The following PHACTR1 variants were observed in gnomAD, a reference collection of about 807,000 sequenced individuals.
PHACTR1 encodes phosphatase and actin regulator 1.
PHACTR1 carries 16 observed loss-of-function variants against 69.2 expected under a neutral mutation model. The observed-to-expected ratio is 0.23, with a 90% confidence interval of 0.16 to 0.35. PHACTR1 has a LOEUF of 0.35. Among genes scored for constraint, PHACTR1 ranks in the 10% least tolerant of loss-of-function variants. The pLI, the probability that PHACTR1 is intolerant of heterozygous loss-of-function variation, is 1.00. For synonymous variants in PHACTR1, 312 were observed against 284.5 expected (o/e 1.10, Z -0.97); for missense variants, 510 against 734.7 (o/e 0.69, Z 3.54).
At chr6:12,792,492 A>AAAAAAG (rs1368191865) in intron 4 of PHACTR1, among the ~76,000 whole-genome samples, 1 of 140,272 alleles carries the variant, frequency 7.1e-6, no homozygotes, top group East Asian at 2.0e-4. Flanking sequence ...AAAAAAAAAA[A>AAAAAAG]AGAAGATTTC....
intron 12 of PHACTR1, chr6:13,281,199 G>C: frequency 8.6e-7 from 1 of 1,165,322 alleles, no homozygotes; most frequent in Non-Finnish European, 1.1e-6. Context: ...TCAGTTTCCA[G>C]GAAGAGAAAT....
At chr6:12,878,214 T>C (rs1327156754) in intron 4 of PHACTR1, among the ~76,000 whole-genome samples, 1 of 152,238 alleles carries the variant, frequency 6.6e-6, no homozygotes, top group Non-Finnish European at 1.5e-5. Flanking sequence ...TCTTAGCTGA[T>C]GTTTTGCCAT....
chr6:13,064,435 T>C (rs987777375), intron 5 of PHACTR1, among the ~76,000 whole-genome samples: 1 of 150,958 alleles, frequency 6.6e-6, no homozygotes, highest in Admixed American at 6.6e-5. Context: ...GTAAACAAGC[T>C]TTATCCCACG....
intron 4 of PHACTR1, among the ~76,000 whole-genome samples, chr6:12,928,860 G>A (rs1464857428): frequency 6.6e-6 from 1 of 152,132 alleles, no homozygotes; most frequent in Non-Finnish European, 1.5e-5. Flanking sequence ...ACTAAAGAAA[G>A]GTAACACTGA....
intron 10 of PHACTR1, among the ~76,000 whole-genome samples, chr6:13,247,110 C>T (rs1052925829): frequency 6.6e-6 from 1 of 152,140 alleles, no homozygotes; most frequent in African/African-American, 2.4e-5. Context: ...ATTTGATCTT[C>T]TGTGCCCTTC....
chr6:13,069,235 T>C (rs974516282), intron 5 of PHACTR1, among the ~76,000 whole-genome samples: 2 of 152,226 alleles, frequency 1.3e-5, no homozygotes, highest in Admixed American at 6.5e-5. Context: ...CAGAATTGAA[T>C]TTCTTTGTTC....
At chr6:12,848,494 A>G (rs1779515486) in intron 4 of PHACTR1, among the ~76,000 whole-genome samples, 1 of 152,218 alleles carries the variant, frequency 6.6e-6, no homozygotes, top group Admixed American at 6.5e-5. Context: ...TAACTCGTAG[A>G]GACTTTTATT....
chr6:13,275,227 C>G lies in PHACTR1; in HGVS notation c.1447+2312C>G, dbSNP rs1021512395. 2 of 152,556 alleles carry G rather than the reference C, an allele frequency of 1.3e-5. No individual in the cohort carries two copies. Among genetic ancestry groups the G allele is most frequent in the African/African-American group, 4.8e-5 (2 of 41,438 alleles). 9.5% of individuals were successfully genotyped at this position (152,556 alleles called of 1,614,324 possible). The stretch of plus-strand genomic sequence containing the variant: ...CCCTGCCTGGTCCTGGGAGCAGCCC[C>G]TGTTCTGTCCAGCAGCCAGTGAGGC... On this transcript the variant is annotated intron_variant, in intron 11 of 14. Coordinates refer to ENST00000332995, the MANE Select transcript of PHACTR1 (RefSeq NM_030948.6). The surrounding 1 kb of genome is among the most constrained non-coding windows in gnomAD (Gnocchi z 4.0).
intron 4 of PHACTR1, among the ~76,000 whole-genome samples, chr6:12,981,949 T>G (rs775940360): frequency 6.6e-6 from 1 of 152,208 alleles, no homozygotes; most frequent in Non-Finnish European, 1.5e-5. Context: ...GGGCTTGCTT[T>G]CTTTCTCTAA....
chr6:13,217,669 C>T (rs921123950), intron 8 of PHACTR1, among the ~76,000 whole-genome samples: 5 of 152,136 alleles, frequency 3.3e-5, no homozygotes, highest in East Asian at 3.8e-4. Flanking sequence ...TCAGTACCCT[C>T]GTCTATATAT....
intron 3 of PHACTR1, among the ~76,000 whole-genome samples, chr6:12,721,502 T>A (rs1000410514): frequency 6.6e-6 from 1 of 152,192 alleles, no homozygotes; most frequent in African/African-American, 2.4e-5. Flanking sequence ...TTAAATACAT[T>A]TAAAAATGCA....
intron 6 of PHACTR1, among the ~76,000 whole-genome samples, chr6:13,180,339 A>G (rs1762025320): frequency 6.6e-6 from 1 of 152,122 alleles, no homozygotes; most frequent in Admixed American, 6.5e-5. Context: ...GGCCTTTGTG[A>G]TTTAGCCACA....
intron 9 of PHACTR1, 51 bp downstream of exon 9, chr6:13,228,114 A>C: frequency 6.4e-7 from 1 of 1,565,490 alleles, no homozygotes; most frequent in African/African-American, 1.3e-5. Flanking sequence ...GCTATTGTGG[A>C]AAGACAGCAG....
chr6:13,132,466 G>A (rs1261728354), intron 5 of PHACTR1, among the ~76,000 whole-genome samples: 8 of 152,080 alleles, frequency 5.3e-5, no homozygotes, highest in African/African-American at 7.2e-5. Context: ...TGTCTTGCCC[G>A]CAGCAGATGC....
chr6:12,904,252 A>G (rs1785486708), intron 4 of PHACTR1, among the ~76,000 whole-genome samples: 1 of 152,178 alleles, frequency 6.6e-6, no homozygotes, highest in South Asian at 2.1e-4. Context: ...TCTTTTATAG[A>G]AACTACTCAT....
At chr6:13,267,711 T>C (rs1776962497) in intron 10 of PHACTR1, 2 of 152,150 alleles carry the variant, frequency 1.3e-5, no homozygotes, top group African/African-American at 4.8e-5. Context: ...GCCCTTCATG[T>C]GGCCCGTGGT....
intron 4 of PHACTR1, among the ~76,000 whole-genome samples, chr6:12,964,664 G>A (rs1317634518): frequency 6.6e-6 from 1 of 152,152 alleles, no homozygotes; most frequent in Admixed American, 6.5e-5. Context: ...TAATCTATGT[G>A]TTAGGTGGAG....
intron 4 of PHACTR1, among the ~76,000 whole-genome samples, chr6:13,009,905 C>G (rs1444085124): frequency 6.6e-6 from 1 of 151,896 alleles, no homozygotes; most frequent in East Asian, 1.9e-4. Flanking sequence ...CTGCCCCCTA[C>G]TGCTTCAGAT....
At chr6:12,812,896 A>C (rs1019079847) in intron 4 of PHACTR1, among the ~76,000 whole-genome samples, 2 of 152,224 alleles carry the variant, frequency 1.3e-5, no homozygotes, top group Admixed American at 6.5e-5. Flanking sequence ...GGCAATCCTC[A>C]GAGAAGAAGA....
Sources: gnomAD v4.1 joint callset for allele counts (sites outside exome capture counted in the v4.1 genomes callset) on GRCh38, gnomAD v4.1.1 for gene constraint, Gnocchi (gnomAD v3.1) non-coding constraint, MANE v1.5 for transcripts, NCBI Gene and HGNC (gene_info 2026-07-23, HGNC 2026-07-21) for gene names.